Variants in FRMD4B observed in about 807,000 individuals in gnomAD.
The protein encoded by FRMD4B is FERM domain-containing protein 4B.
FRMD4B carries 74 observed loss-of-function variants against 141.5 expected under a neutral mutation model. The observed-to-expected ratio is 0.52, with a 90% CI of 0.43 to 0.63. FRMD4B has a LOEUF of 0.63. Ranked by LOEUF, FRMD4B falls within the 30% of genes least tolerant of loss-of-function variation. The probability of loss-of-function intolerance (pLI) is 0.00; values close to 1 mark genes in which losing one functional copy is unlikely to be tolerated. For synonymous variants in FRMD4B, 506 were observed against 467.9 expected (o/e 1.08, Z -1.05); for missense variants, 1,366 against 1,253.4 (o/e 1.09, Z -1.36).
intron 1 of FRMD4B, among the ~76,000 whole-genome samples, chr3:69,317,772 A>T (rs1428182909): frequency 6.6e-6 from 1 of 151,172 alleles, no homozygotes; most frequent in Non-Finnish European, 1.5e-5. Flanking sequence ...AAAAAAAAAA[A>T]AAAAAAGGAG....
Position 69,216,315 on chromosome 3 carries a change from C to A in FRMD4B, c.824G>T (p.Ser275Ile), listed in dbSNP as rs1415359374. ...ATCATATTGGCCAATTCCCTTATAG[C>A]TTATTCCAAGCCACCAAGGAAGTCC... ...KQGLPWWLGI[S>I]YKGIGQYDIQ... is the part of the protein sequence containing the mutation. Residue 275 changes from serine to isoleucine, a missense_variant, in exon 11 of 23, where the codon AGC becomes ATC. By Grantham distance (142) the Ser-to-Ile change is moderately radical (BLOSUM62 -2). Coordinates refer to ENST00000398540, the MANE Select transcript of FRMD4B (RefSeq NM_015123.3). The A allele has an allele frequency of 1.9e-6, 3 of 1,578,278 alleles. No homozygotes were observed. The highest frequency in any genetic ancestry group is 2.6e-6 in the Non-Finnish European group (3 of 1,157,004).
chr3:69,225,586 T>G (rs2093245074), intron 7 of FRMD4B, among the ~76,000 whole-genome samples: 1 of 138,838 alleles, frequency 7.2e-6, no homozygotes, highest in Non-Finnish European at 1.5e-5. Flanking sequence ...TCCCAGCTAC[T>G]TGGGAGGCTG....
At chr3:69,486,658 G>A (rs1385643557) in intron 1 of FRMD4B, among the ~76,000 whole-genome samples, 1 of 152,172 alleles carries the variant, frequency 6.6e-6, no homozygotes, top group Non-Finnish European at 1.5e-5. Flanking sequence ...GGAGAAGGGA[G>A]AGACAGTGGC....
At chr3:69,421,822 T>C (rs927054031) in intron 2 of FRMD4B, among the ~76,000 whole-genome samples, 4 of 152,192 alleles carry the variant, frequency 2.6e-5, no homozygotes, top group Admixed American at 2.6e-4. Context: ...CTAAGTGATG[T>C]CTAAGATAAC....
chr3:69,254,065 G>A (rs1442741751), intron 5 of FRMD4B, among the ~76,000 whole-genome samples: 1 of 152,128 alleles, frequency 6.6e-6, no homozygotes, highest in Non-Finnish European at 1.5e-5. Flanking sequence ...GGGCAACAGA[G>A]CAAGACCCTG....
At position 69,287,709 on chromosome 3, in the gene FRMD4B, C is replaced by A; in HGVS notation, c.501+43G>T. On this transcript the variant is annotated intron_variant, in intron 5 of 22. Coordinates refer to ENST00000398540, the MANE Select transcript of FRMD4B (RefSeq NM_015123.3). ...AACCATTTCTTCCTGTCATCCCAGT[C>A]GCTCTGGAGGCATCCAGTGAACATG... The A allele has an allele frequency of 3.1e-6, 3 of 953,294 alleles. No individual in the cohort carries two copies. The South Asian group carries it at 4.1e-5, about 13-fold the overall frequency. The allele number at this position is 953,294 out of a possible 1,614,324, so 59.1% of individuals were successfully genotyped here.
Position 69,266,818 on chromosome 3 carries a change from A to G in FRMD4B, c.502-16719T>C, listed in dbSNP as rs537859824. ...GGGTCAAAGACTGTTAAGAAACAGG[A>G]TAGTCAAGTAGCCTCAAAGTGTCAA... is the stretch of plus-strand genomic sequence containing the variant. On this transcript the variant is annotated intron_variant, in intron 5 of 22. Transcript: ENST00000398540. Among the ~76,000 whole-genome samples the G allele has an allele frequency of 2.6e-5, 4 of 152,328 alleles. No individual in the cohort carries two copies. The South Asian group carries it at 8.3e-4, about 32-fold the overall frequency.
chr3:69,189,209 C>T (rs1387150744), intron 18 of FRMD4B, among the ~76,000 whole-genome samples: 26 of 106,270 alleles, frequency 2.4e-4, no homozygotes, highest in Non-Finnish European at 3.8e-4. Context: ...GCAACAAGAG[C>T]GAAACTCCAT....
In FRMD4B at chr3:69,323,329, G is replaced by A. The variant is rs536314254; in HGVS notation, c.163-9812C>T. ...TGCCTGTAATCCCAGCACTTTGGGA[G>A]GCTGAGGTGGGCAGATCACCTGAGG... On this transcript the variant is annotated intron_variant, in intron 1 of 22. Coordinates refer to ENST00000398540, the MANE Select transcript of FRMD4B (RefSeq NM_015123.3). Among the ~76,000 whole-genome samples, 6 of 152,160 alleles carry A rather than the reference G, an allele frequency of 3.9e-5. No individual in the cohort carries two copies. In the East Asian group the frequency reaches 1.2e-3, roughly 30 times the overall value.
At chr3:69,229,872 CTTT>C in intron 7 of FRMD4B, among the ~76,000 whole-genome samples, 1 of 151,990 alleles carries the variant, frequency 6.6e-6, no homozygotes, top group Middle Eastern at 3.4e-3. Flanking sequence ...TGCCCAGCTA[CTTT>C]TTGTATTTTC....
At chr3:69,460,404 G>C (rs541540869) in intron 1 of FRMD4B, among the ~76,000 whole-genome samples, 12 of 152,286 alleles carry the variant, frequency 7.9e-5, no homozygotes, top group African/African-American at 2.9e-4. Flanking sequence ...TAAAAAGTGA[G>C]ATGTTCCTCA....
At chr3:69,389,598 C>T (rs1030178081), upstream of FRMD4B, among the ~76,000 whole-genome samples, 4 of 152,210 alleles carry the variant, frequency 2.6e-5, no homozygotes, top group Admixed American at 6.5e-5. Flanking sequence ...CTGACATAAA[C>T]ACTGATGCTT....
chr3:69,296,392 T>C (rs981215633), intron 4 of FRMD4B, among the ~76,000 whole-genome samples: 2 of 151,952 alleles, frequency 1.3e-5, no homozygotes, highest in African/African-American at 4.8e-5. Flanking sequence ...ATCGAGCATG[T>C]GCTTCTGAGG....
intron 1 of FRMD4B, among the ~76,000 whole-genome samples, chr3:69,343,387 G>C (rs7617709): frequency 0.45 from 68,246 of 151,972 alleles, 15,595 homozygotes; most frequent in Admixed American, 0.51. Context: ...TTGTCCGTTA[G>C]GTGTGGATAA....
intron 7 of FRMD4B, among the ~76,000 whole-genome samples, chr3:69,232,856 C>T (rs1248599101): frequency 6.1e-5 from 9 of 147,396 alleles, no homozygotes; most frequent in Non-Finnish European, 1.5e-5. Flanking sequence ...ATTTGTAGAA[C>T]AGCTTAAAAA....
chr3:69,475,111 T>C (rs1370165523), intron 1 of FRMD4B, among the ~76,000 whole-genome samples: 1 of 152,184 alleles, frequency 6.6e-6, no homozygotes, highest in African/African-American at 2.4e-5. Context: ...GGCCAGGTTA[T>C]TACTTACCTC....
chr3:69,423,015 G>C (rs1265423142), intron 2 of FRMD4B, among the ~76,000 whole-genome samples: 1 of 152,146 alleles, frequency 6.6e-6, no homozygotes, highest in Non-Finnish European at 1.5e-5. Flanking sequence ...ATGTTGTTCA[G>C]GAATGAAGGG....
intron 5 of FRMD4B, among the ~76,000 whole-genome samples, chr3:69,278,096 C>T (rs745545806): frequency 6.6e-6 from 1 of 152,128 alleles, no homozygotes; most frequent in Non-Finnish European, 1.5e-5. Flanking sequence ...CCTTGTGATC[C>T]GCCTGCCTTG....
intron 7 of FRMD4B, among the ~76,000 whole-genome samples, chr3:69,248,055 G>A (rs1312465208): frequency 6.6e-6 from 1 of 152,016 alleles, no homozygotes; most frequent in Non-Finnish European, 1.5e-5. Flanking sequence ...GCCTCCCAAA[G>A]TGCTGGGATT....
Sources: allele counts gnomAD v4.1 joint callset (sites outside exome capture counted in the v4.1 genomes callset), GRCh38; gene constraint gnomAD v4.1.1; transcripts MANE v1.5; gene names NCBI Gene and HGNC (gene_info 2026-07-23, HGNC 2026-07-21).